Variants in AK8 observed in about 807,000 individuals in gnomAD.
AK8 encodes the protein ATP-AMP transphosphorylase 8.
A neutral mutation model predicts 54.6 loss-of-function variants in AK8; 44 were observed. The observed-to-expected ratio is 0.81, with a 90% CI of 0.63 to 1.04. AK8 has a LOEUF of 1.04. Among genes scored for constraint, AK8 ranks in the 50% least tolerant of loss-of-function variants. The pLI, the probability that AK8 is intolerant of heterozygous loss-of-function variation, is 0.00. For synonymous variants in AK8, 239 were observed against 245.6 expected (o/e 0.97, Z 0.25); for missense variants, 555 against 613.6 (o/e 0.90, Z 1.01).
At chr9:132,858,999 A>G (rs568653743) in intron 4 of AK8, among the ~76,000 whole-genome samples, 2 of 152,208 alleles carry the variant, frequency 1.3e-5, no homozygotes, top group South Asian at 2.1e-4. Flanking sequence ...GCCTTCCAAA[A>G]AGGCCTGCTC....
chr9:132,870,805 T>C (rs748834920), intron 2 of AK8, among the ~76,000 whole-genome samples: 14 of 152,198 alleles, frequency 9.2e-5, no homozygotes, highest in Non-Finnish European at 1.5e-4. Context: ...GCTGCATGGC[T>C]GGAAGGGGGC....
At chr9:132,812,844 G>A (rs1385425078) in intron 10 of AK8, among the ~76,000 whole-genome samples, 3 of 151,754 alleles carry the variant, frequency 2.0e-5, no homozygotes, top group East Asian at 1.9e-4. Context: ...TGTGGCCACC[G>A]CAGACACCCA....
rs1436248510 is a variant in AK8 at position 132,725,779 on chromosome 9, G to A, written c.1349C>T (p.Ala450Val). 4 of 1,601,576 alleles carry A rather than the reference G, an allele frequency of 2.5e-6. No homozygotes were observed. In the African/African-American group the frequency reaches 5.3e-5, roughly 21 times the overall value. ...SADLEQLYGS[A>V]ITLNGDQDPY... ...GTCCTGGTCCCCATTGAGGGTGATG[G>A]CCGACCCATACAACTGCTCCAAGTC... Residue 450 changes from alanine to valine, a missense_variant, in exon 13 of 13, where the codon GCC becomes GTC. Transcript: ENST00000298545.
At position 132,852,381 on chromosome 9, in the gene AK8, G is replaced by A. The variant is rs564517849; in HGVS notation, c.402+2476C>T. On this transcript the variant is annotated intron_variant, in intron 5 of 12. Coordinates refer to ENST00000298545, the MANE Select transcript of AK8 (RefSeq NM_152572.3). Reference sequence around the variant, plus strand: ...TCCCGGCACTTTGGAAGGTCGAGGCGGGTGGATCATGAGGTCAGGAGATTG... The same window carrying A: ...TCCCGGCACTTTGGAAGGTCGAGGCAGGTGGATCATGAGGTCAGGAGATTG... 1.5e-4 allele frequency among the ~76,000 whole-genome samples: 23 copies of A among 152,208 alleles called. No homozygotes were observed. In the South Asian group the frequency reaches 3.5e-3, roughly 23 times the overall value.
chr9:132,741,581 G>A (rs975197541), intron 11 of AK8, among the ~76,000 whole-genome samples: 1 of 152,216 alleles, frequency 6.6e-6, no homozygotes, highest in Non-Finnish European at 1.5e-5. Flanking sequence ...CAGCTGTAAG[G>A]GGTGGGTCAC....
At chr9:132,825,053 C>T (rs560687436) in intron 8 of AK8, among the ~76,000 whole-genome samples, 2 of 152,152 alleles carry the variant, frequency 1.3e-5, no homozygotes, top group Admixed American at 6.5e-5. Context: ...GCTACTCAGG[C>T]GAGGCTCTCT....
In AK8 at chr9:132,800,919, C is replaced by CCTTTTT. The variant is rs1554793659; in HGVS notation, c.980-8145_980-8144insAAAAAG. 4.0e-5 allele frequency among the ~76,000 whole-genome samples: 5 copies of CCTTTTT among 123,814 alleles called. 1 individual carries two copies. The highest frequency in any genetic ancestry group is 1.7e-5 in the Non-Finnish European group (1 of 60,282). The allele number at this position is 123,814 out of a possible 152,430, so 81.2% of individuals were successfully genotyped here. On this transcript the variant is annotated intron_variant, in intron 10 of 12. Transcript: ENST00000298545. ...CCAACAGTGAATATTTCAGTTTGTC[C>CCTTTTT]TTTTTTTTTTTTTTTTTTTTGAGAC... is the stretch of plus-strand genomic sequence containing the variant.
chr9:132,768,300 T>C (rs1022190658), intron 11 of AK8, among the ~76,000 whole-genome samples: 1 of 151,104 alleles, frequency 6.6e-6, no homozygotes, highest in African/African-American at 2.4e-5. Flanking sequence ...GGAGTTTCGC[T>C]CTTGTTGCCC....
chr9:132,745,470 TAGTTACAGTACCCGAGCTGGGCCCCGGC>T (rs1262098381), intron 11 of AK8, among the ~76,000 whole-genome samples: 2 of 152,102 alleles, frequency 1.3e-5, no homozygotes, highest in Non-Finnish European at 2.9e-5. Flanking sequence ...AACTTGGGTG[TAGTTACAGTACCCGAGCTGGGCCCCGGC>T]AGAAACCTGA....
chr9:132,830,771 C>T (rs894821975), intron 5 of AK8, among the ~76,000 whole-genome samples: 1 of 152,306 alleles, frequency 6.6e-6, no homozygotes. Context: ...GCTTTTAACA[C>T]ACCAGTTTGT....
In AK8 at chr9:132,752,495, C is replaced by T. The variant is rs913588314; in HGVS notation, c.1122-24961G>A. Among the ~76,000 whole-genome samples the T allele has an allele frequency of 5.3e-5, 8 of 152,244 alleles. No homozygotes were observed. In the East Asian group the frequency reaches 1.4e-3, roughly 26 times the overall value. ...CGATCTCCTGACCTCGTGATCTGCC[C>T]GCCTCAGCCTCCCAAAGTGCTGGGA... On this transcript the variant is annotated intron_variant, in intron 11 of 12. Coordinates refer to ENST00000298545, the MANE Select transcript of AK8 (RefSeq NM_152572.3).
chr9:132,814,830 G>C (rs2131261328), intron 9 of AK8, 103 bp from the exon 10 acceptor site: 2 of 970,978 alleles, frequency 2.1e-6, no homozygotes, highest in South Asian at 1.7e-5. Flanking sequence ...AAAAAAAAAG[G>C]TCACTGAAAA....
Position 132,857,787 on chromosome 9 carries a change from C to G in AK8, c.334-2862G>C, listed in dbSNP as rs538517194. Among the ~76,000 whole-genome samples the G allele has an allele frequency of 5.9e-5, 9 of 152,356 alleles. No individual in the cohort carries two copies. The South Asian group carries it at 1.7e-3, about 28-fold the overall frequency. ...GGTGGGGCACAGCACCCCCTGCAGC[C>G]TGCACAGCAGGGGACAGGCCTGCGG... On this transcript the variant is annotated intron_variant, in intron 4 of 12. Coordinates refer to ENST00000298545, the MANE Select transcript of AK8 (RefSeq NM_152572.3).
chr9:132,864,883 G>A (rs930017459), intron 3 of AK8, among the ~76,000 whole-genome samples: 1 of 152,162 alleles, frequency 6.6e-6, no homozygotes, highest in Non-Finnish European at 1.5e-5. Flanking sequence ...GACAAAAGGA[G>A]AGCCTCCCAC....
chr9:132,765,313 A>G (rs1000118044), intron 11 of AK8, among the ~76,000 whole-genome samples: 3 of 150,948 alleles, frequency 2.0e-5, no homozygotes, highest in African/African-American at 7.3e-5. Flanking sequence ...AAAAAAAAAA[A>G]AGAGAATTCA....
Position 132,739,441 on chromosome 9 carries a change from C to CAAAAAAAAA in AK8, c.1122-11916_1122-11908dup, listed in dbSNP as rs768297504. Among the ~76,000 whole-genome samples, 3 of 31,170 alleles carry CAAAAAAAAA rather than the reference C, an allele frequency of 9.6e-5. 1 individual carries two copies. Among genetic ancestry groups the CAAAAAAAAA allele is most frequent in the Non-Finnish European group, 1.6e-4 (3 of 18,952 alleles). The allele number at this position is 31,170 out of a possible 152,430, so 20.4% of individuals were successfully genotyped here. On this transcript the variant is annotated intron_variant, in intron 11 of 12. Coordinates refer to ENST00000298545, the MANE Select transcript of AK8 (RefSeq NM_152572.3). ...TGGGCAACAGAGAGTGACTCTGTCT[C>CAAAAAAAAA]AAAAAAAAAAAAAAAAAAAAAAAAA... is the stretch of plus-strand genomic sequence containing the variant.
chr9:132,847,311 C>G (rs564316407), intron 5 of AK8, among the ~76,000 whole-genome samples: 98 of 152,296 alleles, frequency 6.4e-4, no homozygotes, highest in African/African-American at 2.2e-3. Context: ...TAAGACAGAC[C>G]GTGGCGCCAT....
chr9:132,873,686 A>G (rs889136396), intron 2 of AK8, among the ~76,000 whole-genome samples: 1 of 151,978 alleles, frequency 6.6e-6, no homozygotes, highest in Non-Finnish European at 1.5e-5. Flanking sequence ...CTGGAATAAC[A>G]GAGTTCAGCA....
At chr9:132,864,866 T>C (rs1212208709) in intron 3 of AK8, among the ~76,000 whole-genome samples, 1 of 152,162 alleles carries the variant, frequency 6.6e-6, no homozygotes, top group African/African-American at 2.4e-5. Context: ...AGAATTCAAA[T>C]GTCAAAGACA....
Sources: allele counts gnomAD v4.1 joint callset (sites outside exome capture counted in the v4.1 genomes callset), GRCh38; gene constraint gnomAD v4.1.1; transcripts MANE v1.5; gene names NCBI Gene and HGNC (gene_info 2026-07-23, HGNC 2026-07-21).